The following AGO2 variants were observed in gnomAD, a reference collection of about 807,000 sequenced individuals.
AGO2 encodes argonaute RISC catalytic component 2, also known as protein argonaute-2.
In AGO2, 5 loss-of-function variants were observed where a neutral mutation model predicts 102.3. The observed-to-expected ratio is 0.05, with a 90% CI of 0.03 to 0.10. The LOEUF (loss-of-function observed/expected upper bound fraction) is 0.10, where lower values mean the gene tolerates loss of function less well. Ranked by LOEUF, AGO2 falls within the 10% of genes least tolerant of loss-of-function variation. The pLI is 1.00. For missense variants in AGO2, 541 were observed against 1,183.7 expected, an observed-to-expected ratio of 0.46 and a Z score of 7.97; for synonymous variants, 449 against 473.1, an observed-to-expected ratio of 0.95 and a Z score of 0.66.
At chr8:140,563,168 T>C (rs1676312255) in intron 3 of AGO2, among the ~76,000 whole-genome samples, 1 of 152,244 alleles carries the variant, frequency 6.6e-6, no homozygotes, top group Non-Finnish European at 1.5e-5. Context: ...GGAACACCGA[T>C]GTGACAGGTT....
intron 1 of AGO2, among the ~76,000 whole-genome samples, chr8:140,630,845 C>G (rs1192286741): frequency 6.6e-6 from 1 of 152,218 alleles, no homozygotes; most frequent in Non-Finnish European, 1.5e-5. Context: ...CCTGCCCCAA[C>G]ACTCTGCGTA....
At chr8:140,602,418 T>A (rs2073945409) in intron 1 of AGO2, among the ~76,000 whole-genome samples, 1 of 152,224 alleles carries the variant, frequency 6.6e-6, no homozygotes, top group South Asian at 2.1e-4. Flanking sequence ...TACTCCCACA[T>A]TTATCTTAAA....
intron 1 of AGO2, among the ~76,000 whole-genome samples, chr8:140,619,820 A>AG (rs2074194196): frequency 6.6e-6 from 1 of 152,130 alleles, no homozygotes; most frequent in Non-Finnish European, 1.5e-5. Context: ...GCAATGGGGG[A>AG]GGCGAGAAAC....
chr8:140,584,656 A>G (rs2073621476), intron 2 of AGO2, among the ~76,000 whole-genome samples: 1 of 152,230 alleles, frequency 6.6e-6, no homozygotes. Context: ...AATAAGCTAC[A>G]AATACACACA....
intron 2 of AGO2, among the ~76,000 whole-genome samples, chr8:140,583,483 G>A (rs777480557): frequency 7.9e-5 from 12 of 152,218 alleles, no homozygotes; most frequent in Non-Finnish European, 1.5e-5. Flanking sequence ...ATACCCAGGA[G>A]GTAGAGTCTA....
At chr8:140,570,141 G>T (rs1183904775) in intron 3 of AGO2, among the ~76,000 whole-genome samples, 1 of 152,246 alleles carries the variant, frequency 6.6e-6, no homozygotes, top group Non-Finnish European at 1.5e-5. Flanking sequence ...GGAGGAGCGT[G>T]GTCTGCAGCC....
intron 2 of AGO2, 113 bp downstream of exon 2, chr8:140,585,006 G>T (rs537218459): frequency 1.9e-6 from 2 of 1,065,412 alleles, no homozygotes; most frequent in Non-Finnish European, 2.6e-6. Flanking sequence ...CAGCTGAAAC[G>T]TTCTGGAAAA....
At chr8:140,568,851 C>T (rs1401140040) in intron 3 of AGO2, among the ~76,000 whole-genome samples, 3 of 152,180 alleles carry the variant, frequency 2.0e-5, no homozygotes, top group Non-Finnish European at 4.4e-5. Flanking sequence ...TCCTGACCAG[C>T]TTGTATTGGG....
At chr8:140,568,798 G>A (rs769194248) in intron 3 of AGO2, among the ~76,000 whole-genome samples, 1 of 152,258 alleles carries the variant, frequency 6.6e-6, no homozygotes, top group Non-Finnish European at 1.5e-5. Context: ...AGATGACAGA[G>A]CAGGTACAGG....
chr8:140,605,687 C>T (rs1222003963), intron 1 of AGO2: 4 of 152,170 alleles, frequency 2.6e-5, no homozygotes, highest in Non-Finnish European at 5.9e-5. Context: ...AGCTCTAGTT[C>T]CCAGCCATTG....
At chr8:140,595,783 T>C (rs1293508183) in intron 1 of AGO2, among the ~76,000 whole-genome samples, 1 of 59,512 alleles carries the variant, frequency 1.7e-5, no homozygotes, top group East Asian at 4.3e-4. Context: ...TATACAATTG[T>C]ATATACAATT....
chr8:140,617,383 C>T (rs1355584906), intron 1 of AGO2, among the ~76,000 whole-genome samples: 1 of 152,140 alleles, frequency 6.6e-6, no homozygotes, highest in Non-Finnish European at 1.5e-5. Flanking sequence ...TCCTGAATAG[C>T]TGGGACTACA....
chr8:140,575,648 T>C (rs1001333327), intron 2 of AGO2, among the ~76,000 whole-genome samples: 7 of 152,160 alleles, frequency 4.6e-5, no homozygotes, highest in African/African-American at 1.7e-4. Flanking sequence ...ACCTTTAGGT[T>C]GAAACCAGAC....
Position 140,585,248 on chromosome 8 carries a change from G to A in AGO2, c.86C>T (p.Pro29Leu). ...TGTTCTCCCGGAGGTCCCAAAGTCG[G>A]GTCTAGGTGGAGGCTTGAAGGCATA... ...QGYAFKPPPR[P>L]DFGTSGRTIK... The change falls in exon 2 of 19, where the codon CCC becomes CTC. Residue 29 changes from proline (P) to leucine (L), a missense_variant. By Grantham distance (98) the Pro-to-Leu change is moderately conservative. Around this residue, in one of 6 missense-constraint regions of AGO2, gnomAD observed 147 missense variants for 204.1 expected, o/e 0.72. Transcript: ENST00000220592. 6.2e-7 allele frequency: 1 copy of A among 1,614,178 alleles called. No individual in the cohort carries two copies. The highest frequency in any genetic ancestry group is 2.2e-5 in the East Asian group (1 of 44,888).
chr8:140,556,622 G>A (rs1385308661), intron 8 of AGO2, among the ~76,000 whole-genome samples: 1 of 152,192 alleles, frequency 6.6e-6, no homozygotes, highest in Non-Finnish European at 1.5e-5. Context: ...AGCAGCTGCA[G>A]GTGCGAAAGA....
intron 16 of AGO2, among the ~76,000 whole-genome samples, chr8:140,537,504 G>A (rs2072718537): frequency 6.6e-6 from 1 of 152,094 alleles, no homozygotes; most frequent in South Asian, 2.1e-4. Flanking sequence ...GTTTCACTTT[G>A]TTGCTCAGGC....
At position 140,529,139 on chromosome 8, in the gene AGO2, T is replaced by A. The variant is rs2072548762; in HGVS notation, c.*2905A>T. On this transcript the variant is annotated 3_prime_UTR_variant, in exon 19 of 19. Transcript: ENST00000220592. ...AGGCACACCTTACTTAACAGTGGGA[T>A]GGGGACAAAGCCAGCGAGTGGGCAC... 6.6e-6 allele frequency: 1 copy of A among 152,200 alleles called. No individual in the cohort carries two copies. The highest frequency in any genetic ancestry group is 2.4e-5 in the African/African-American group (1 of 41,452). The allele number at this position is 152,200 out of a possible 1,614,324, so 9.4% of individuals were successfully genotyped here.
intron 17 of AGO2, among the ~76,000 whole-genome samples, chr8:140,532,929 TA>T (rs1370754218): frequency 6.8e-6 from 1 of 146,498 alleles, no homozygotes; most frequent in Non-Finnish European, 1.5e-5. Flanking sequence ...ACCCGTGAGG[TA>T]GAGGTTGCGG....
At chr8:140,590,915 G>A (rs2073738175) in intron 1 of AGO2, among the ~76,000 whole-genome samples, 1 of 152,198 alleles carries the variant, frequency 6.6e-6, no homozygotes, top group African/African-American at 2.4e-5. Flanking sequence ...TTAGGAAATG[G>A]CCCCTACCCC....
Sources: allele counts gnomAD v4.1 joint callset (sites outside exome capture counted in the v4.1 genomes callset), GRCh38; gene constraint gnomAD v4.1.1; regional missense constraint gnomAD v4.1.1; transcripts MANE v1.5; gene names NCBI Gene and HGNC (gene_info 2026-07-23, HGNC 2026-07-21).